ESR2: variants seen among roughly 807,000 people sequenced by gnomAD.
The protein encoded by ESR2 is estrogen receptor beta.
ESR2 carries 36 observed loss-of-function variants against 49.6 expected under a neutral mutation model. The ratio of observed to expected loss-of-function variants is 0.73; its 90% CI spans 0.56 to 0.96. The LOEUF is 0.96. ESR2 is among the 40% of genes least tolerant of loss of function. The pLI is 0.00. For synonymous variants in ESR2, 320 were observed against 266.1 expected (o/e 1.20, Z -1.97); for missense variants, 714 against 693.0 (o/e 1.03, Z -0.34).
intron 7 of ESR2, among the ~76,000 whole-genome samples, chr14:64,240,572 T>C (rs904112423): frequency 6.6e-6 from 1 of 152,218 alleles, no homozygotes; most frequent in African/African-American, 2.4e-5. Context: ...CCTGCACATA[T>C]TTTGCGTGTA....
At chr14:64,249,812 A>C (rs1404053338) in intron 6 of ESR2, 133 bp from the exon 7 acceptor site, 1 of 896,228 alleles carries the variant, frequency 1.1e-6, no homozygotes, top group Non-Finnish European at 1.7e-6. Context: ...TTTTAACTAC[A>C]ACAGGGTGTT....
rs531900036 is a variant in ESR2, at chr14:64,245,706, G to A, written c.1225+3840C>T. On this transcript the variant is annotated intron_variant, in intron 7 of 8. Coordinates refer to ENST00000341099, the MANE Select transcript of ESR2 (RefSeq NM_001437.3). ...TCTTTCCCATTTGCACAGATGCTGC[G>A]TCTAGCTTTGACAACAACACAATAT... Among the ~76,000 whole-genome samples, 12 of 152,154 alleles carry A rather than the reference G, an allele frequency of 7.9e-5. No individual in the cohort carries two copies. The South Asian group carries it at 2.1e-3, about 26-fold the overall frequency.
At chr14:64,313,877 TCAA>T (rs2077217441) in intron 1 of ESR2, among the ~76,000 whole-genome samples, 1 of 118,374 alleles carries the variant, frequency 8.4e-6, no homozygotes, top group African/African-American at 3.6e-5. Context: ...AGACTCTGTC[TCAA>T]AAAAAAAAAA....
chr14:64,234,127 CAATG>C (rs1429076439), intron 8 of ESR2: 1 of 152,142 alleles, frequency 6.6e-6, no homozygotes, highest in African/African-American at 2.4e-5. Context: ...GATAAATTCA[CAATG>C]AAGGAATCTA....
intron 7 of ESR2, among the ~76,000 whole-genome samples, chr14:64,236,424 C>A (rs927411968): frequency 1.3e-5 from 2 of 150,408 alleles, no homozygotes; most frequent in African/African-American, 2.5e-5. Flanking sequence ...GGAAACAAGA[C>A]CCCACCCTTG....
chr14:64,336,053 G>T (rs2077528408), intron 1 of ESR2: 1 of 151,388 alleles, frequency 6.6e-6, no homozygotes, highest in Non-Finnish European at 1.5e-5. Flanking sequence ...GTTTCGCCAT[G>T]TTGGCCAGGC....
chr14:64,234,853 C>A, intron 8 of ESR2, 117 bp downstream of exon 8: 4 of 1,505,640 alleles, frequency 2.7e-6, no homozygotes, highest in Non-Finnish European at 2.7e-6. Flanking sequence ...ATTCCCCATT[C>A]CCTTTCAGGC....
upstream of ESR2, among the ~76,000 whole-genome samples, chr14:64,295,531 G>A (rs1342851466): frequency 6.6e-6 from 1 of 152,142 alleles, no homozygotes; most frequent in Non-Finnish European, 1.5e-5. Context: ...AAAGCTGAGA[G>A]TCCTGGTTTC....
intron 1 of ESR2, among the ~76,000 whole-genome samples, chr14:64,311,531 T>G (rs1323668141): frequency 6.6e-6 from 1 of 151,320 alleles, no homozygotes; most frequent in Admixed American, 6.6e-5. Flanking sequence ...TCCCAGCTAC[T>G]CAGGAGGCAG....
chr14:64,314,566 A>G (rs2140886361), intron 1 of ESR2, among the ~76,000 whole-genome samples: 1 of 152,130 alleles, frequency 6.6e-6, no homozygotes, highest in African/African-American at 2.4e-5. Context: ...TGAAACAAAG[A>G]ACTGGTTCTT....
chr14:64,227,531 G>A, downstream of ESR2: 1 of 1,614,010 alleles, frequency 6.2e-7, no homozygotes, highest in Non-Finnish European at 8.5e-7. Flanking sequence ...TTGATTAGAG[G>A]GTCACTGCTC....
At position 64,249,586 on chromosome 14, in the gene ESR2, T is replaced by C; in HGVS notation, c.1185A>G (p.Lys395=). ...TCATGGCCTTGACACAGAGATATTC[T>C]TTGTGTTGGAGTTTTAACTCTCGAA... is the stretch of plus-strand genomic sequence containing the variant. ...SRFRELKLQH[K]EYLCVKAMIL... Residue 395 remains lysine (K), a synonymous_variant, in exon 7 of 9, where the codon AAA becomes AAG. Transcript: ENST00000341099. 2 of 1,614,072 alleles carry C rather than the reference T, an allele frequency of 1.2e-6. No individual in the cohort carries two copies. The highest frequency in any genetic ancestry group is 8.5e-7 in the Non-Finnish European group (1 of 1,179,980).
intron 1 of ESR2, among the ~76,000 whole-genome samples, chr14:64,318,794 G>GGTT (rs1158943511): frequency 0.012 from 1,892 of 152,128 alleles, 21 homozygotes; most frequent in South Asian, 0.043. Context: ...TGTAATCCCA[G>GGTT]CACTTTGGCA....
chr14:64,242,574 C>T (rs1173840388), intron 7 of ESR2, among the ~76,000 whole-genome samples: 1 of 150,890 alleles, frequency 6.6e-6, no homozygotes, highest in Admixed American at 6.6e-5. Flanking sequence ...TCATGATGTG[C>T]TATTCTTTTA....
intron 3 of ESR2, among the ~76,000 whole-genome samples, chr14:64,271,578 G>A (rs908523175): frequency 3.3e-5 from 5 of 152,160 alleles, no homozygotes; most frequent in Non-Finnish European, 7.3e-5. Context: ...TGCCTGCCTC[G>A]ACCTCCCAAA....
chr14:64,227,786 T>C (rs1282623163), downstream of ESR2: 26 of 1,543,354 alleles, frequency 1.7e-5, no homozygotes, highest in African/African-American at 2.6e-4. Context: ...CACTCAAAGC[T>C]CAGTGTATTC....
intron 7 of ESR2, among the ~76,000 whole-genome samples, chr14:64,244,096 G>C (rs1021950181): frequency 1.4e-4 from 21 of 150,582 alleles, no homozygotes; most frequent in African/African-American, 5.1e-4. Context: ...GAAGAGACTG[G>C]CATTAGAGTC....
chr14:64,243,036 G>T (rs2075772241), intron 7 of ESR2, among the ~76,000 whole-genome samples: 1 of 152,156 alleles, frequency 6.6e-6, no homozygotes, highest in African/African-American at 2.4e-5. Flanking sequence ...GTAAAGACCT[G>T]CTCCCATGAT....
chr14:64,292,158 C>T (rs7159462), intron 1 of ESR2, among the ~76,000 whole-genome samples: 8,841 of 152,164 alleles, frequency 0.058, 359 homozygotes, highest in Non-Finnish European at 0.083. Context: ...TGATTTATCC[C>T]AAGGTACTAG....
Sources: allele counts gnomAD v4.1 joint callset (sites outside exome capture counted in the v4.1 genomes callset), GRCh38; gene constraint gnomAD v4.1.1; transcripts MANE v1.5; gene names NCBI Gene and HGNC (gene_info 2026-07-23, HGNC 2026-07-21).